The following UBXN6 variants were observed in gnomAD, a reference collection of about 807,000 sequenced individuals.
UBXN6 encodes UBX domain protein 6, also known as UBX domain-containing protein 6.
In UBXN6, 44 loss-of-function variants were observed where a neutral mutation model predicts 51.4. The ratio of observed to expected loss-of-function variants is 0.86; its 90% CI spans 0.67 to 1.10. The LOEUF (loss-of-function observed/expected upper bound fraction) is 1.10, where lower values mean the gene tolerates loss of function less well. UBXN6 is among the 50% of genes least tolerant of loss of function. The pLI is 0.00. For synonymous variants in UBXN6, 316 were observed against 263.2 expected (o/e 1.20, Z -1.94); for missense variants, 672 against 596.1 (o/e 1.13, Z -1.32).
At chr19:4,457,854 C>T (rs1051544179), upstream of UBXN6, 3 of 467,390 alleles carry the variant, frequency 6.4e-6, no homozygotes, top group East Asian at 9.6e-5. Flanking sequence ...CCCGCCTTCC[C>T]CTGGCCTGCC....
In UBXN6 at chr19:4,454,079, T is replaced by C; in HGVS notation, c.98A>G (p.Lys33Arg). The C allele has an allele frequency of 6.4e-7, 1 of 1,560,874 alleles. No homozygotes were observed. Among genetic ancestry groups the C allele is most frequent in the Non-Finnish European group, 8.6e-7 (1 of 1,157,922 alleles). The change falls in exon 2 of 11, where the codon AAA (lysine) becomes AGA (arginine). Residue 33 changes from lysine (K) to arginine (R), a missense_variant. Transcript: ENST00000301281. Reference protein sequence around the residue: ...LKESVGEKAHKEKPNQPAPRP... With the variant: ...LKESVGEKAHREKPNQPAPRP... Reference sequence around the variant, plus strand: ...GGGGGCTGGCTGGTTGGGCTTCTCTTTGTGGGCCTTTTCCCTGGGAACAGA... The same window carrying C: ...GGGGGCTGGCTGGTTGGGCTTCTCTCTGTGGGCCTTTTCCCTGGGAACAGA...
rs775540964 is a variant in UBXN6, at chr19:4,447,674, C to T, written c.540-49G>A. 1.3e-5 allele frequency: 21 copies of T among 1,596,934 alleles called. No individual in the cohort carries two copies. In the African/African-American group the frequency reaches 1.3e-4, roughly 10 times the overall value. On this transcript the variant is annotated intron_variant, in intron 5 of 10. Coordinates refer to ENST00000301281, the MANE Select transcript of UBXN6 (RefSeq NM_025241.3). ...TGGGGCACAGCCCAGGCTGCCCACCCGGCCCCTCTGTGCCTCCTGCTCCAG... is the reference window on the plus strand; with the variant it reads ...TGGGGCACAGCCCAGGCTGCCCACCTGGCCCCTCTGTGCCTCCTGCTCCAG...
intron 1 of UBXN6, 78 bp downstream of exon 1, chr19:4,457,537 A>G: frequency 1.6e-6 from 2 of 1,282,568 alleles, no homozygotes; most frequent in Non-Finnish European, 2.1e-6. Context: ...CGATCTCCCG[A>G]GCCGCCCAAG....
In UBXN6 at chr19:4,448,361, T is replaced by C. The variant is rs1169903793; in HGVS notation, c.496A>G (p.Lys166Glu). 9.9e-6 allele frequency: 16 copies of C among 1,610,788 alleles called. No homozygotes were observed. Among genetic ancestry groups the C allele is most frequent in the Non-Finnish European group, 1.3e-5 (15 of 1,178,878 alleles). The change falls in exon 5 of 11, where the codon AAA (lysine) becomes GAA (glutamate). Residue 166 changes from lysine (K) to glutamate (E), a missense_variant. Lys to Glu is a moderately conservative substitution (Grantham distance 56). Coordinates refer to ENST00000301281, the MANE Select transcript of UBXN6 (RefSeq NM_025241.3). Reference protein sequence around the residue: ...ASIMKIYTFNKDQDRVKLGVD... With the variant: ...ASIMKIYTFNEDQDRVKLGVD... Reference sequence around the variant, plus strand: ...CCCAGCTTCACCCGGTCCTGGTCTTTGTTGAACGTGTAGATCTTCATGATG... The same window carrying C: ...CCCAGCTTCACCCGGTCCTGGTCTTCGTTGAACGTGTAGATCTTCATGATG...
At chr19:4,448,581 G>T in intron 4 of UBXN6, 166 bp from the exon 5 acceptor site, 1 of 637,656 alleles carries the variant, frequency 1.6e-6, no homozygotes, top group Non-Finnish European at 2.8e-6. Flanking sequence ...CAAGACCGCA[G>T]CCCTGCCCAC....
chr19:4,456,848 G>GT (rs1974746238), intron 1 of UBXN6, among the ~76,000 whole-genome samples: 1 of 151,978 alleles, frequency 6.6e-6, no homozygotes, highest in Admixed American at 6.6e-5. Context: ...CCCCTCCCGG[G>GT]TAAGAGTCCA....
intron 10 of UBXN6, 29 bp downstream of exon 10, chr19:4,446,020 C>T: frequency 6.3e-7 from 1 of 1,591,162 alleles, no homozygotes; most frequent in Non-Finnish European, 8.6e-7. Context: ...GGCATCGGGT[C>T]AGCGGTGCTC....
chr19:4,445,814 A>G, intron 10 of UBXN6, 191 bp from the exon 11 acceptor site: 1 of 1,083,778 alleles, frequency 9.2e-7, no homozygotes. Context: ...AACCTACTGC[A>G]CTAGCTAACG....
rs1472004947 is a variant in UBXN6, at chr19:4,454,016, A to G, written c.161T>C (p.Met54Thr). Reference protein sequence around the residue: ...PRQGPTNEAQMAAAAALARLE... With the variant: ...PRQGPTNEAQTAAAAALARLE... ...CCGGGCTAGGGCGGCAGCGGCTGCC[A>G]TCTGTGCCTCATTGGTGGGTCCCTG... Residue 54 changes from methionine to threonine, a missense_variant, in exon 2 of 11, where the codon ATG becomes ACG. Transcript: ENST00000301281. The G allele has an allele frequency of 1.2e-6, 2 of 1,605,426 alleles. No individual in the cohort carries two copies. Among genetic ancestry groups the G allele is most frequent in the Non-Finnish European group, 1.7e-6 (2 of 1,177,688 alleles).
At position 4,453,526 on chromosome 19, in the gene UBXN6, G is replaced by T. The variant is rs770632078; in HGVS notation, c.248-4C>A. 1.2e-6 allele frequency: 2 copies of T among 1,613,474 alleles called. No homozygotes were observed. Among genetic ancestry groups the T allele is most frequent in the South Asian group, 2.2e-5 (2 of 90,952 alleles). ...TCGGCTTGAAGTTCCTTTCTCACTGGAAGGCAGCCCAAGAAAGAGAGGCAG... is the reference window on the plus strand; with the variant it reads ...TCGGCTTGAAGTTCCTTTCTCACTGTAAGGCAGCCCAAGAAAGAGAGGCAG... On this transcript the variant is annotated splice_polypyrimidine_tract_variant and splice_region_variant and intron_variant, in intron 2 of 10. Transcript: ENST00000301281.
rs1974700595 is a variant in UBXN6, at chr19:4,454,005, C to T, written c.172G>A (p.Ala58Thr). ...PTNEAQMAAAAALARLEQKQS... is the reference protein window; with the variant it reads ...PTNEAQMAAATALARLEQKQS... Reference sequence around the variant, plus strand: ...TTCTGCTCCAGCCGGGCTAGGGCGGCAGCGGCTGCCATCTGTGCCTCATTG... The same window carrying T: ...TTCTGCTCCAGCCGGGCTAGGGCGGTAGCGGCTGCCATCTGTGCCTCATTG... The change falls in exon 2 of 11, where the codon GCC (alanine) becomes ACC (threonine). Residue 58 changes from alanine to threonine, a missense_variant. By Grantham distance (58) the Ala-to-Thr change is moderately conservative. Transcript: ENST00000301281. 3.1e-6 allele frequency: 5 copies of T among 1,607,316 alleles called. No homozygotes were observed. Among genetic ancestry groups the T allele is most frequent in the Non-Finnish European group, 4.2e-6 (5 of 1,178,412 alleles).
At position 4,446,156 on chromosome 19, in the gene UBXN6, ACCCGTACACCGCC is replaced by A; in HGVS notation, c.1080_1092del (p.Ala361SerfsTer31). Reference sequence around the variant, plus strand: ...TCGCTCTGCAGGGCCTCCCGGACGAACCCGTACACCGCCCCCAGCCGCTCCCGAGCGTAGAAAG... The same window carrying A: ...TCGCTCTGCAGGGCCTCCCGGACGAACCCAGCCGCTCCCGAGCGTAGAAAG... On this transcript the variant is annotated frameshift_variant, in exon 10 of 11. Coordinates refer to ENST00000301281, the MANE Select transcript of UBXN6 (RefSeq NM_025241.3). LOFTEE classifies it high-confidence loss of function. The A allele has an allele frequency of 7.5e-6, 12 of 1,609,916 alleles. No individual in the cohort carries two copies. Among genetic ancestry groups the A allele is most frequent in the Non-Finnish European group, 1.0e-5 (12 of 1,179,478 alleles).
At chr19:4,454,427 C>CT (rs959176172) in intron 1 of UBXN6, among the ~76,000 whole-genome samples, 3 of 152,122 alleles carry the variant, frequency 2.0e-5, no homozygotes, top group Non-Finnish European at 4.4e-5. Context: ...ATCCTCAGTG[C>CT]TTTTTTTCTT....
At chr19:4,457,820 A>T, upstream of UBXN6, 1 of 539,806 alleles carries the variant, frequency 1.9e-6, no homozygotes, top group East Asian at 7.8e-5. Context: ...AAAAAAAAAA[A>T]AAATTTACCT....
chr19:4,446,621 G>C lies in UBXN6; in HGVS notation c.799C>G (p.Arg267Gly). 6.2e-7 allele frequency: 1 copy of C among 1,612,506 alleles called. No homozygotes were observed. Among genetic ancestry groups the C allele is most frequent in the Non-Finnish European group, 8.5e-7 (1 of 1,179,784 alleles). Residue 267 changes from arginine (R) to glycine (G), a missense_variant, in exon 8 of 11, where the codon CGC becomes GGC. Physicochemically the swap from Arg to Gly is moderately radical, Grantham distance 125. Transcript: ENST00000301281. ...CGGCGCTGCCTGTCCAGCTTGGCGC[G>C]CACGGGCTCCGCAGCCAGCAGCTGT... ...KEQLLAAEPV[R>G]AKLDRQRRVF... is the part of the protein sequence containing the mutation.
At chr19:4,447,774 A>G (rs1055385248) in intron 5 of UBXN6, 149 bp from the exon 6 acceptor site, 3 of 750,902 alleles carry the variant, frequency 4.0e-6, no homozygotes, top group Non-Finnish European at 4.6e-6. Context: ...GCAGCAGACC[A>G]TCTCCGGGTG....
chr19:4,448,093 C>G, intron 5 of UBXN6: 1 of 585,956 alleles, frequency 1.7e-6, no homozygotes, highest in East Asian at 2.9e-5. Flanking sequence ...TGGGAAACCC[C>G]TGATTCCTTC....
chr19:4,455,284 C>G (rs1392215094), intron 1 of UBXN6: 6 of 985,422 alleles, frequency 6.1e-6, no homozygotes, highest in Non-Finnish European at 7.2e-6. Flanking sequence ...GCTCTCAGTT[C>G]AAGCCCTATA....
Position 4,447,632 on chromosome 19 carries a change from T to C in UBXN6, c.540-7A>G. On this transcript the variant is annotated splice_polypyrimidine_tract_variant and splice_region_variant and intron_variant, in intron 5 of 10. Coordinates refer to ENST00000301281, the MANE Select transcript of UBXN6 (RefSeq NM_025241.3). ...GTGGATGTTGTCCAGGTACCTGGGG[T>C]AGGTGGAGAAGGTGAGTGGGGCACA... is the stretch of plus-strand genomic sequence containing the variant. The C allele has an allele frequency of 6.2e-7, 1 of 1,613,660 alleles. No homozygotes were observed.
Sources: allele counts gnomAD v4.1 joint callset (sites outside exome capture counted in the v4.1 genomes callset), GRCh38; gene constraint gnomAD v4.1.1; transcripts MANE v1.5; gene names NCBI Gene and HGNC (gene_info 2026-07-23, HGNC 2026-07-21).